Variants in MUC7 observed in about 807,000 individuals in gnomAD.
MUC7 encodes mucin-7.
MUC7 carries 2 observed loss-of-function variants against 2.5 expected under a neutral mutation model. That is an observed-to-expected ratio of 0.81 (90% CI 0.33 to 2.55). The LOEUF (loss-of-function observed/expected upper bound fraction) is 2.55. MUC7 is among the 30% of genes most tolerant of loss of function. The pLI is 0.11. For missense variants in MUC7, 408 were observed against 455.6 expected (o/e 0.90, Z 0.95); for synonymous variants, 133 against 173.4 (o/e 0.77, Z 1.83).
intron 1 of MUC7, among the ~76,000 whole-genome samples, chr4:70,431,963 G>C (rs1162901787): frequency 6.6e-6 from 1 of 151,870 alleles, no homozygotes; most frequent in Non-Finnish European, 1.5e-5. Context: ...TGTTCTCATT[G>C]TTCAATTCCC....
At chr4:70,450,126 G>A (rs571788322) in intron 1 of MUC7, among the ~76,000 whole-genome samples, 3 of 152,330 alleles carry the variant, frequency 2.0e-5, no homozygotes, top group South Asian at 2.1e-4. Context: ...TCTACGTACT[G>A]TTCTATTGTA....
chr4:70,459,117 T>C (rs1644958211), intron 1 of MUC7, among the ~76,000 whole-genome samples: 1 of 152,058 alleles, frequency 6.6e-6, no homozygotes, highest in Non-Finnish European at 1.5e-5. Flanking sequence ...GCAAATCAGA[T>C]GACAAAAAAT....
upstream of MUC7, among the ~76,000 whole-genome samples, chr4:70,467,947 G>C (rs999572262): frequency 9.9e-5 from 15 of 151,798 alleles, no homozygotes; most frequent in Admixed American, 7.9e-4. Flanking sequence ...ACTTGGGAGA[G>C]ACACAAGAAA....
chr4:70,442,487 C>T (rs1734033313), intron 1 of MUC7, among the ~76,000 whole-genome samples: 1 of 152,118 alleles, frequency 6.6e-6, no homozygotes, highest in Non-Finnish European at 1.5e-5. Flanking sequence ...TGTGTATACT[C>T]CAGGCCAAAC....
intron 1 of MUC7, among the ~76,000 whole-genome samples, chr4:70,445,518 C>A (rs1167196656): frequency 6.6e-6 from 1 of 152,114 alleles, no homozygotes; most frequent in Non-Finnish European, 1.5e-5. Flanking sequence ...GTTTCAAAAT[C>A]TCTCCCCTAT....
At chr4:70,458,131 A>G (rs1397835438) in intron 1 of MUC7, among the ~76,000 whole-genome samples, 1 of 152,086 alleles carries the variant, frequency 6.6e-6, no homozygotes. Context: ...AAATTCACAT[A>G]CTAAATTAAG....
chr4:70,473,808 G>T (rs766602840), intron 1 of MUC7, among the ~76,000 whole-genome samples, 199 bp from the exon 2 acceptor site: 4 of 152,066 alleles, frequency 2.6e-5, no homozygotes, highest in Non-Finnish European at 5.9e-5. Flanking sequence ...CTCCTCCATT[G>T]CTTCCTCTCT....
intron 1 of MUC7, among the ~76,000 whole-genome samples, chr4:70,461,599 C>T (rs1247711164): frequency 6.6e-6 from 1 of 152,008 alleles, no homozygotes; most frequent in Non-Finnish European, 1.5e-5. Context: ...TCTCCTATTC[C>T]AATACAAAAT....
upstream of MUC7, among the ~76,000 whole-genome samples, chr4:70,468,778 C>T (rs1182245610): frequency 3.3e-5 from 5 of 152,126 alleles, no homozygotes; most frequent in African/African-American, 7.2e-5. Context: ...AATGGAAAAA[C>T]ATTCCATGCT....
chr4:70,441,547 A>T (rs1403925494), intron 1 of MUC7, among the ~76,000 whole-genome samples: 1 of 152,204 alleles, frequency 6.6e-6, no homozygotes, highest in Non-Finnish European at 1.5e-5. Context: ...TATGATGGTG[A>T]ATATTCTGTC....
At chr4:70,435,173 T>C (rs1418322259) in intron 1 of MUC7, among the ~76,000 whole-genome samples, 1 of 152,228 alleles carries the variant, frequency 6.6e-6, no homozygotes, top group Admixed American at 6.5e-5. Context: ...CTGAGAAGAA[T>C]GTATATTCTG....
At chr4:70,479,286 G>A (rs1316996478) in intron 2 of MUC7, among the ~76,000 whole-genome samples, 1 of 152,188 alleles carries the variant, frequency 6.6e-6, no homozygotes, top group East Asian at 1.9e-4. Flanking sequence ...AATCACATGA[G>A]CCTCACGATG....
chr4:70,463,361 G>C (rs530586287), intron 1 of MUC7, among the ~76,000 whole-genome samples: 84 of 152,324 alleles, frequency 5.5e-4, no homozygotes, highest in African/African-American at 1.8e-3. Flanking sequence ...AAAGCAGTTA[G>C]GCAAAAGCCT....
chr4:70,475,448 A>G (rs1205947009), intron 2 of MUC7, among the ~76,000 whole-genome samples: 4 of 152,154 alleles, frequency 2.6e-5, no homozygotes, highest in Non-Finnish European at 5.9e-5. Context: ...ACATACTTGA[A>G]GCCATGAAAC....
At chr4:70,456,775 A>G (rs536817824) in intron 1 of MUC7, among the ~76,000 whole-genome samples, 1 of 152,340 alleles carries the variant, frequency 6.6e-6, no homozygotes, top group African/African-American at 2.4e-5. Context: ...GAAATATGTC[A>G]ATAATGTTTG....
chr4:70,430,845 A>G (rs1470791576), intron 1 of MUC7, among the ~76,000 whole-genome samples: 1 of 152,142 alleles, frequency 6.6e-6, no homozygotes, highest in Non-Finnish European at 1.5e-5. Flanking sequence ...ATGCTATTTT[A>G]TTTTTCTAAT....
intron 1 of MUC7, among the ~76,000 whole-genome samples, chr4:70,448,225 G>A (rs971815194): frequency 4.6e-5 from 7 of 152,076 alleles, no homozygotes; most frequent in African/African-American, 1.7e-4. Context: ...TTTGGCTATT[G>A]TGAATAGTGC....
chr4:70,447,748 G>T (rs1734181204), intron 1 of MUC7, among the ~76,000 whole-genome samples: 1 of 152,106 alleles, frequency 6.6e-6, no homozygotes, highest in South Asian at 2.1e-4. Flanking sequence ...GGAGAATGGG[G>T]TATCCATCCC....
chr4:70,439,108 G>A (rs1733939049), intron 1 of MUC7, among the ~76,000 whole-genome samples: 1 of 152,180 alleles, frequency 6.6e-6, no homozygotes, highest in Admixed American at 6.5e-5. Context: ...AGGGTGAAAT[G>A]ATAGAGATTA....
Sources: allele counts gnomAD v4.1 joint callset (sites outside exome capture counted in the v4.1 genomes callset), GRCh38; gene constraint gnomAD v4.1.1; transcripts MANE v1.5; gene names NCBI Gene and HGNC (gene_info 2026-07-23, HGNC 2026-07-21).